Variants in DCC observed in about 807,000 individuals in gnomAD.
The protein encoded by DCC is DCC netrin 1 receptor.
A neutral mutation model predicts 172.5 loss-of-function variants in DCC; 58 were observed. The observed-to-expected ratio is 0.34, with a 90% CI of 0.27 to 0.42. The LOEUF (loss-of-function observed/expected upper bound fraction) is 0.42. DCC is among the 10% of genes least tolerant of loss of function. The pLI is 1.00. For synonymous variants in DCC, 709 were observed against 644.5 expected, an observed-to-expected ratio of 1.10 and a Z score of -1.52; for missense variants, 1,740 against 1,791.0, an observed-to-expected ratio of 0.97 and a Z score of 0.51.
intron 1 of DCC, among the ~76,000 whole-genome samples, chr18:52,598,248 C>A (rs571774508): frequency 5.3e-4 from 81 of 152,056 alleles, no homozygotes; most frequent in Non-Finnish European, 1.0e-3. Flanking sequence ...TACTAAATAC[C>A]GAGGTTAAGA....
intron 1 of DCC, among the ~76,000 whole-genome samples, chr18:52,531,926 T>C (rs921760480): frequency 1.3e-5 from 2 of 152,200 alleles, no homozygotes; most frequent in African/African-American, 4.8e-5. Flanking sequence ...GGAAATTAAA[T>C]CTCCAGAAGC....
rs28638121 is a variant in DCC at position 53,333,395 on chromosome 18, A to C, written c.2165-6318A>C. Reference sequence around the variant, plus strand: ...AAAACTCTAACAAAATGATCCATAAAATGCAGCACGCTAAATGGAGGACAA... The same window carrying C: ...AAAACTCTAACAAAATGATCCATAACATGCAGCACGCTAAATGGAGGACAA... On this transcript the variant is annotated intron_variant, in intron 14 of 28. Coordinates refer to ENST00000442544, the MANE Select transcript of DCC (RefSeq NM_005215.4). 2.9e-3 allele frequency among the ~76,000 whole-genome samples: 446 copies of C among 152,338 alleles called. 2 individuals carry two copies. The highest frequency in any genetic ancestry group is 0.01 in the African/African-American group (427 of 41,580).
chr18:52,992,122 G>A (rs950010656), intron 5 of DCC, among the ~76,000 whole-genome samples: 1 of 152,154 alleles, frequency 6.6e-6, no homozygotes, highest in Non-Finnish European at 1.5e-5. Context: ...CGCCTTGTCC[G>A]CCCTTTATGC....
intron 7 of DCC, among the ~76,000 whole-genome samples, chr18:53,140,964 C>T (rs867074112): frequency 2.6e-5 from 4 of 151,908 alleles, no homozygotes; most frequent in African/African-American, 7.3e-5. Context: ...ATAAACTCAG[C>T]GAGAAATTTA....
At chr18:52,416,710 G>T (rs1333005718) in intron 1 of DCC, among the ~76,000 whole-genome samples, 27 of 151,056 alleles carry the variant, frequency 1.8e-4, no homozygotes, top group African/African-American at 6.1e-4. Flanking sequence ...GCCTTTTTTT[G>T]TTTTCCATTT....
At chr18:52,670,348 A>C (rs1018517091) in intron 1 of DCC, among the ~76,000 whole-genome samples, 2 of 152,202 alleles carry the variant, frequency 1.3e-5, no homozygotes, top group African/African-American at 4.8e-5. Context: ...CTGGAAATGA[A>C]GATGGACTTA....
intron 25 of DCC, among the ~76,000 whole-genome samples, chr18:53,468,531 C>T (rs2045655360): frequency 6.6e-6 from 1 of 151,876 alleles, no homozygotes; most frequent in African/African-American, 2.4e-5. Context: ...TACAGGCATG[C>T]ACCACCATGC....
chr18:53,233,734 T>G (rs1445825484), intron 12 of DCC, among the ~76,000 whole-genome samples: 1 of 152,200 alleles, frequency 6.6e-6, no homozygotes, highest in Non-Finnish European at 1.5e-5. Context: ...ATAAACACCT[T>G]TTTTATGTGG....
At chr18:53,005,081 A>G (rs2041624092) in intron 5 of DCC, among the ~76,000 whole-genome samples, 1 of 152,122 alleles carries the variant, frequency 6.6e-6, no homozygotes, top group Admixed American at 6.6e-5. Context: ...CCATAGGATG[A>G]CATAGCATGA....
intron 7 of DCC, among the ~76,000 whole-genome samples, chr18:53,086,655 G>T (rs544456765): frequency 1.1e-5 from 1 of 90,292 alleles, no homozygotes; most frequent in Non-Finnish European, 2.1e-5. Flanking sequence ...TAATGTGCAG[G>T]TTAGTTACAT....
At chr18:52,604,804 G>T (rs988444628) in intron 1 of DCC, among the ~76,000 whole-genome samples, 3 of 141,210 alleles carry the variant, frequency 2.1e-5, no homozygotes, top group African/African-American at 7.9e-5. Context: ...TACATTTTAT[G>T]CAGATTATAC....
intron 2 of DCC, among the ~76,000 whole-genome samples, chr18:52,872,321 G>T (rs1286146855): frequency 6.6e-6 from 1 of 151,668 alleles, no homozygotes; most frequent in Non-Finnish European, 1.5e-5. Context: ...CCCTCAGAGA[G>T]AATCGACAAT....
intron 2 of DCC, among the ~76,000 whole-genome samples, chr18:52,891,910 C>G (rs2039656058): frequency 6.6e-6 from 1 of 152,132 alleles, no homozygotes; most frequent in African/African-American, 2.4e-5. Context: ...AAACTATTCT[C>G]TATACAGCAG....
chr18:52,637,580 A>T (rs1841305), intron 1 of DCC, among the ~76,000 whole-genome samples: 42,669 of 152,116 alleles, frequency 0.28, 6,382 homozygotes, highest in Admixed American at 0.34. Flanking sequence ...GAGCTCAAAG[A>T]CACGATCTTC....
At chr18:53,136,777 A>T (rs949103441) in intron 7 of DCC, among the ~76,000 whole-genome samples, 1 of 152,172 alleles carries the variant, frequency 6.6e-6, no homozygotes, top group African/African-American at 2.4e-5. Context: ...TGTCCCAATA[A>T]AGTTGTTTTA....
At chr18:52,529,635 T>C (rs761069807) in intron 1 of DCC, among the ~76,000 whole-genome samples, 1 of 152,188 alleles carries the variant, frequency 6.6e-6, no homozygotes, top group Non-Finnish European at 1.5e-5. Flanking sequence ...CTCAAGTTCT[T>C]CCAGGTTTCT....
At chr18:52,507,855 C>T (rs1377792746) in intron 1 of DCC, among the ~76,000 whole-genome samples, 1 of 152,112 alleles carries the variant, frequency 6.6e-6, no homozygotes, top group South Asian at 2.1e-4. Context: ...AATCCCAGCT[C>T]TTTGGGAGGC....
At chr18:52,494,235 A>G (rs1202843336) in intron 1 of DCC, among the ~76,000 whole-genome samples, 1 of 147,824 alleles carries the variant, frequency 6.8e-6, no homozygotes, top group African/African-American at 2.5e-5. Flanking sequence ...AGATTTTAGC[A>G]GTTTGATTAT....
At chr18:52,829,608 A>G (rs1706473586) in intron 2 of DCC, among the ~76,000 whole-genome samples, 1 of 152,220 alleles carries the variant, frequency 6.6e-6, no homozygotes, top group Non-Finnish European at 1.5e-5. Flanking sequence ...CCCACTACTC[A>G]GACCTCAAGA....
Sources: gnomAD v4.1 joint callset for allele counts (sites outside exome capture counted in the v4.1 genomes callset) on GRCh38, gnomAD v4.1.1 for gene constraint, MANE v1.5 for transcripts, NCBI Gene and HGNC (gene_info 2026-07-23, HGNC 2026-07-21) for gene names.